SMAD2: variants seen among roughly 807,000 people sequenced by gnomAD.
SMAD2 encodes the protein SMAD family member 2, also known as MAD homolog 2.
A neutral mutation model predicts 64.4 loss-of-function variants in SMAD2; 8 were observed. The observed-to-expected ratio is 0.12, with a 90% CI of 0.07 to 0.22. SMAD2 has a LOEUF of 0.22. Among genes scored for constraint, SMAD2 ranks in the 10% least tolerant of loss-of-function variants. The pLI is 1.00. For missense variants in SMAD2, 289 were observed against 561.2 expected (o/e 0.51, Z 4.90); for synonymous variants, 203 against 195.8 (o/e 1.04, Z -0.31).
chr18:47,894,786 CCAGTGAGGAAGAGCACACCAGGCA>C (rs1393496887), intron 2 of SMAD2, among the ~76,000 whole-genome samples: 1 of 152,186 alleles, frequency 6.6e-6, no homozygotes, highest in African/African-American at 2.4e-5. Flanking sequence ...TATCTTAACT[CCAGTGAGGAAGAGCACACCAGGCA>C]CATAGTGGGC....
At chr18:47,851,634 G>A (rs2030094766) in intron 6 of SMAD2, among the ~76,000 whole-genome samples, 1 of 152,030 alleles carries the variant, frequency 6.6e-6, no homozygotes, top group Non-Finnish European at 1.5e-5. Flanking sequence ...AACCACATAA[G>A]CAAATACATT....
chr18:47,914,748 C>T (rs1326140955), intron 1 of SMAD2, among the ~76,000 whole-genome samples: 1 of 152,124 alleles, frequency 6.6e-6, no homozygotes, highest in Non-Finnish European at 1.5e-5. Context: ...ATTACTACTG[C>T]TTTCTAGTTA....
intron 5 of SMAD2, 125 bp from the exon 6 acceptor site, chr18:47,865,258 A>G (rs1273732414): frequency 3.2e-6 from 2 of 632,532 alleles, no homozygotes; most frequent in Non-Finnish European, 5.6e-6. Flanking sequence ...AATATTATAA[A>G]AAGTAATATT....
At chr18:47,924,453 A>G (rs1349793394) in intron 1 of SMAD2, among the ~76,000 whole-genome samples, 2 of 147,510 alleles carry the variant, frequency 1.4e-5, no homozygotes, top group Non-Finnish European at 3.0e-5. Context: ...GCCACCCCAC[A>G]TTTTCTTTTT....
In SMAD2 at chr18:47,812,129, A is replaced by G. The variant is rs577834233; in HGVS notation, c.*29698T>C. On this transcript the variant is annotated 3_prime_UTR_variant, in exon 11 of 11. Coordinates refer to ENST00000262160, the MANE Select transcript of SMAD2 (RefSeq NM_005901.6). ...TCTCATCTTGAATTGGAGCTCCCATAATTCCCCATATTATGTGAGGGACCC... is the reference window on the plus strand; with the variant it reads ...TCTCATCTTGAATTGGAGCTCCCATGATTCCCCATATTATGTGAGGGACCC... 4 of 152,258 alleles carry G rather than the reference A, an allele frequency of 2.6e-5. No individual in the cohort carries two copies. Among genetic ancestry groups the G allele is most frequent in the African/African-American group, 9.6e-5 (4 of 41,552 alleles). 9.4% of individuals were successfully genotyped at this position (152,258 alleles called of 1,614,324 possible).
rs189474338 is a variant in SMAD2, at chr18:47,914,685, T to C, written c.-54+15676A>G. On this transcript the variant is annotated intron_variant, in intron 1 of 10. Coordinates refer to ENST00000262160, the MANE Select transcript of SMAD2 (RefSeq NM_005901.6). Reference sequence around the variant, plus strand: ...TAACAAATTCCTACTAAAGGTCTGATCACACGCATTCTGTTATTTGTTCAC... The same window carrying C: ...TAACAAATTCCTACTAAAGGTCTGACCACACGCATTCTGTTATTTGTTCAC... Among the ~76,000 whole-genome samples, 480 of 150,292 alleles carry C rather than the reference T, an allele frequency of 3.2e-3. 15 individuals carry two copies. Among genetic ancestry groups the C allele is most frequent in the Admixed American group, 0.027 (408 of 15,034 alleles).
At chr18:47,887,951 G>C (rs1236705445) in intron 2 of SMAD2, among the ~76,000 whole-genome samples, 2 of 152,164 alleles carry the variant, frequency 1.3e-5, no homozygotes, top group Non-Finnish European at 1.5e-5. Flanking sequence ...CTACAGGTGA[G>C]TAACAGGTTT....
intron 3 of SMAD2, 36 bp from the exon 4 acceptor site, chr18:47,869,472 T>C: frequency 8.0e-7 from 1 of 1,248,308 alleles, no homozygotes; most frequent in Non-Finnish European, 1.1e-6. Flanking sequence ...AGGAGGGAAC[T>C]TTAAAAAAAA....
At position 47,834,041 on chromosome 18, in the gene SMAD2, C is replaced by T. The variant is rs1462985906; in HGVS notation, c.*7786G>A. Reference sequence around the variant, plus strand: ...ACTAAGTGTGAGTCTCACCACCATACTGGTACCTTCAGCTATTACCTGTGT... The same window carrying T: ...ACTAAGTGTGAGTCTCACCACCATATTGGTACCTTCAGCTATTACCTGTGT... On this transcript the variant is annotated 3_prime_UTR_variant, in exon 11 of 11. Transcript: ENST00000262160. 1.8e-5 allele frequency: 4 copies of T among 220,550 alleles called. No homozygotes were observed. Among genetic ancestry groups the T allele is most frequent in the South Asian group, 3.7e-4 (2 of 5,398 alleles). 13.7% of individuals were successfully genotyped at this position (220,550 alleles called of 1,614,324 possible). A position where few individuals can be genotyped will look rare whatever the true frequency, so the allele number is the denominator to read the frequency against.
intron 3 of SMAD2, among the ~76,000 whole-genome samples, chr18:47,869,985 T>C (rs2031834476): frequency 6.6e-6 from 1 of 151,908 alleles, no homozygotes; most frequent in Non-Finnish European, 1.5e-5. Context: ...TATGATGAGA[T>C]GAAATGAACA....
At chr18:47,928,119 C>T (rs1598912084) in intron 1 of SMAD2, among the ~76,000 whole-genome samples, 2 of 151,998 alleles carry the variant, frequency 1.3e-5, no homozygotes, top group African/African-American at 4.8e-5. Context: ...CTAAAAATGA[C>T]TCTTTGTCCT....
chr18:47,842,296 C>T (rs1034098542), intron 10 of SMAD2, among the ~76,000 whole-genome samples: 1 of 152,130 alleles, frequency 6.6e-6, no homozygotes, highest in Non-Finnish European at 1.5e-5. Flanking sequence ...AAGCCCAGCA[C>T]TTTGGGAGGC....
chr18:47,859,300 A>T (rs570270869), intron 6 of SMAD2, among the ~76,000 whole-genome samples: 32 of 152,306 alleles, frequency 2.1e-4, no homozygotes, highest in African/African-American at 7.2e-4. Flanking sequence ...AAAAAATCAT[A>T]AAGAATTAAG....
rs1301996643 is a variant in SMAD2, at chr18:47,826,534, G to GAT, written c.*15291_*15292dup. The GAT allele has an allele frequency of 9.2e-5, 14 of 152,344 alleles. No homozygotes were observed. The highest frequency in any genetic ancestry group is 3.1e-4 in the African/African-American group (13 of 41,572). 9.4% of individuals were successfully genotyped at this position (152,344 alleles called of 1,614,324 possible). ...ACAAAAACATGCTTGTTTAATGGAGGATAGGAGGCATGTGGAAAAATGCCA... is the reference window on the plus strand; with the variant it reads ...ACAAAAACATGCTTGTTTAATGGAGGATATAGGAGGCATGTGGAAAAATGCCA... On this transcript the variant is annotated 3_prime_UTR_variant, in exon 11 of 11. Transcript: ENST00000262160.
At chr18:47,849,086 C>T (rs964783629) in intron 7 of SMAD2, among the ~76,000 whole-genome samples, 1 of 151,974 alleles carries the variant, frequency 6.6e-6, no homozygotes, top group African/African-American at 2.4e-5. Context: ...AAAGCCAGAG[C>T]AAAGATTAAT....
intron 1 of SMAD2, among the ~76,000 whole-genome samples, chr18:47,910,257 C>G (rs1322562875): frequency 6.6e-6 from 1 of 151,432 alleles, no homozygotes; most frequent in South Asian, 2.1e-4. Flanking sequence ...CTCCACACAT[C>G]AGAGGAATTA....
intron 6 of SMAD2, among the ~76,000 whole-genome samples, chr18:47,852,704 TG>T (rs1344897456): frequency 6.6e-6 from 1 of 152,182 alleles, no homozygotes; most frequent in East Asian, 1.9e-4. Flanking sequence ...CTCTATTTTC[TG>T]GAGTCAGTTC....
intron 1 of SMAD2, among the ~76,000 whole-genome samples, chr18:47,917,266 T>C (rs1156590895): frequency 6.6e-6 from 1 of 152,364 alleles, no homozygotes; most frequent in East Asian, 1.9e-4. Flanking sequence ...ACTACGATTA[T>C]AGATTTGATT....
intron 6 of SMAD2, among the ~76,000 whole-genome samples, chr18:47,851,820 T>C (rs1169045293): frequency 1.3e-5 from 2 of 152,218 alleles, no homozygotes; most frequent in Non-Finnish European, 2.9e-5. Flanking sequence ...TCTTTTGCTA[T>C]AAGAACCAAT....
Sources: allele counts gnomAD v4.1 joint callset (sites outside exome capture counted in the v4.1 genomes callset), GRCh38; gene constraint gnomAD v4.1.1; transcripts MANE v1.5; gene names NCBI Gene and HGNC (gene_info 2026-07-23, HGNC 2026-07-21).